The following MAPK9 variants were observed in gnomAD, a reference collection of about 807,000 sequenced individuals.
MAPK9 encodes the protein mitogen-activated protein kinase 9, also known as Jun kinase.
A neutral mutation model predicts 57.1 loss-of-function variants in MAPK9; 30 were observed. The observed-to-expected ratio is 0.53, with a 90% CI of 0.39 to 0.71. The LOEUF (loss-of-function observed/expected upper bound fraction) is 0.71. MAPK9 is among the 30% of genes least tolerant of loss of function. The pLI, the probability that MAPK9 is intolerant of heterozygous loss-of-function variation, is 0.00. For missense variants in MAPK9, 362 were observed against 521.0 expected, an observed-to-expected ratio of 0.69 and a Z score of 2.97; for synonymous variants, 155 against 177.0, an observed-to-expected ratio of 0.88 and a Z score of 0.99.
At position 180,238,327 on chromosome 5, in the gene MAPK9, C is replaced by G; in HGVS notation, c.1132+5G>C. 1 of 1,607,666 alleles carries G rather than the reference C, an allele frequency of 6.2e-7. No individual in the cohort carries two copies. Reference sequence around the variant, plus strand: ...ATCATACAATCAATTAAAGCAATCACTAACCTGAAGGCTGATCTTTTACAA... The same window carrying G: ...ATCATACAATCAATTAAAGCAATCAGTAACCTGAAGGCTGATCTTTTACAA... On this transcript the variant is annotated splice_donor_5th_base_variant and intron_variant, in intron 11 of 11. Coordinates refer to ENST00000452135, the MANE Select transcript of MAPK9 (RefSeq NM_002752.5).
At chr5:180,284,003 G>C (rs1762530902) in intron 1 of MAPK9, among the ~76,000 whole-genome samples, 1 of 152,150 alleles carries the variant, frequency 6.6e-6, no homozygotes, top group Non-Finnish European at 1.5e-5. Flanking sequence ...GGAGAAAAAA[G>C]TCACCTAAGT....
At chr5:180,261,594 A>G (rs1561813497) in intron 5 of MAPK9, 90 bp downstream of exon 5, 1 of 1,239,270 alleles carries the variant, frequency 8.1e-7, no homozygotes, top group African/African-American at 1.5e-5. Context: ...TTCAAGCCTA[A>G]CAATTTTTTT....
chr5:180,285,534 C>A (rs76581095), intron 1 of MAPK9, among the ~76,000 whole-genome samples: 342 of 152,252 alleles, frequency 2.2e-3, no homozygotes, highest in African/African-American at 8.0e-3. Flanking sequence ...CCAGGACATG[C>A]GATATTTAAA....
At chr5:180,239,284 GCTGAGGCCAGTGAGCATTGA>G (rs992345680) in intron 10 of MAPK9, among the ~76,000 whole-genome samples, 5 of 152,182 alleles carry the variant, frequency 3.3e-5, no homozygotes, top group African/African-American at 4.8e-5. Flanking sequence ...GCAAGCATTC[GCTGAGGCCAGTGAGCATTGA>G]CTGAGGCCAG....
intron 2 of MAPK9, among the ~76,000 whole-genome samples, chr5:180,273,790 C>T (rs1340899494): frequency 1.3e-5 from 2 of 152,132 alleles, no homozygotes; most frequent in African/African-American, 2.4e-5. Context: ...AGTCAGAAGC[C>T]CACACATGCA....
At chr5:180,271,172 TTTTA>T (rs1761271420) in intron 2 of MAPK9, among the ~76,000 whole-genome samples, 1 of 152,150 alleles carries the variant, frequency 6.6e-6, no homozygotes, top group African/African-American at 2.4e-5. Flanking sequence ...TATATACAAT[TTTTA>T]TTTGTCATTT....
At chr5:180,280,833 T>TTA (rs1762257461) in intron 1 of MAPK9, among the ~76,000 whole-genome samples, 1 of 152,098 alleles carries the variant, frequency 6.6e-6, no homozygotes, top group African/African-American at 2.4e-5. Context: ...AGACCACACT[T>TTA]TAAGGGGCTG....
intron 11 of MAPK9, 82 bp from the exon 12 acceptor site, chr5:180,236,608 T>C: frequency 6.7e-7 from 1 of 1,492,920 alleles, no homozygotes; most frequent in Non-Finnish European, 9.2e-7. Context: ...AGGCCATTTC[T>C]CGGCTCTGTC....
chr5:180,280,170 G>C (rs1280667713), intron 2 of MAPK9: 3 of 449,640 alleles, frequency 6.7e-6, no homozygotes, highest in Non-Finnish European at 1.2e-5. Flanking sequence ...ATAATGACAG[G>C]AGAAATGAAA....
intron 5 of MAPK9, among the ~76,000 whole-genome samples, chr5:180,249,536 A>T (rs1758459091): frequency 6.6e-6 from 1 of 150,506 alleles, no homozygotes; most frequent in East Asian, 1.9e-4. Flanking sequence ...TCCAGCACAC[A>T]CGGCCCCCTC....
intron 1 of MAPK9, among the ~76,000 whole-genome samples, chr5:180,287,467 C>T (rs1482025714): frequency 6.6e-6 from 1 of 152,170 alleles, no homozygotes; most frequent in Admixed American, 6.5e-5. Flanking sequence ...ACCATTCTCC[C>T]ATTTGAACTC....
Position 180,259,033 on chromosome 5 carries a change from CAA to C in MAPK9, c.450+2649_450+2650del, listed in dbSNP as rs35532910. Among the ~76,000 whole-genome samples, 431 of 132,454 alleles carry C rather than the reference CAA, an allele frequency of 3.3e-3. 2 individuals are homozygous for C. The highest frequency in any genetic ancestry group is 7.7e-3 in the African/African-American group (279 of 36,454). The allele number at this position is 132,454 out of a possible 152,430, so 86.9% of individuals were successfully genotyped here. A position where few individuals can be genotyped will look rare whatever the true frequency, so the allele number is the denominator to read the frequency against. ...TGGGCAACAGAGCAAGACTCTGTTT[CAA>C]AAAAAAAAAAAAAATGTGGTAACAC... On this transcript the variant is annotated intron_variant, in intron 5 of 11. Coordinates refer to ENST00000452135, the MANE Select transcript of MAPK9 (RefSeq NM_002752.5).
intron 7 of MAPK9, among the ~76,000 whole-genome samples, chr5:180,244,197 C>G (rs2127578394): frequency 6.6e-6 from 1 of 152,160 alleles, no homozygotes; most frequent in Non-Finnish European, 1.5e-5. Flanking sequence ...CCACAGACTT[C>G]CCAGGATGCA....
rs34858476 is a variant in MAPK9, at chr5:180,241,849, G to C, written c.872-694C>G. ...CAGAGTGTGGGCATGAGGCACGGGG[G>C]AGTATTTTTCTCTAAGTCACATCGA... On this transcript the variant is annotated intron_variant, in intron 8 of 11. Coordinates refer to ENST00000452135, the MANE Select transcript of MAPK9 (RefSeq NM_002752.5). 3.4e-3 allele frequency among the ~76,000 whole-genome samples: 518 copies of C among 152,320 alleles called. 1 individual carries two copies. The highest frequency in any genetic ancestry group is 6.2e-3 in the Non-Finnish European group (421 of 68,026).
At chr5:180,288,086 C>A (rs114632423) in intron 1 of MAPK9, among the ~76,000 whole-genome samples, 3,795 of 152,232 alleles carry the variant, frequency 0.025, 155 homozygotes, top group African/African-American at 0.079. Flanking sequence ...CCTCAGGGTA[C>A]CTCTAGATAA....
chr5:180,269,483 G>C (rs932416091), intron 2 of MAPK9, 74 bp from the exon 3 acceptor site: 2 of 1,339,216 alleles, frequency 1.5e-6, no homozygotes, highest in African/African-American at 2.9e-5. Context: ...AATATACATT[G>C]AATATATCAT....
intron 1 of MAPK9, among the ~76,000 whole-genome samples, chr5:180,289,033 C>T (rs984890396): frequency 6.6e-6 from 1 of 152,158 alleles, no homozygotes; most frequent in African/African-American, 2.4e-5. Flanking sequence ...AAAATGGCAC[C>T]TTCCTAACCA....
chr5:180,273,558 A>T (rs1172005558), intron 2 of MAPK9, among the ~76,000 whole-genome samples: 1 of 152,124 alleles, frequency 6.6e-6, no homozygotes, highest in East Asian at 1.9e-4. Flanking sequence ...TGTTTAAAGG[A>T]GTCCTTCCCT....
At chr5:180,283,009 C>T (rs1479190929) in intron 1 of MAPK9, among the ~76,000 whole-genome samples, 2 of 152,150 alleles carry the variant, frequency 1.3e-5, no homozygotes, top group Non-Finnish European at 2.9e-5. Flanking sequence ...GGCCAGATCA[C>T]TATGAGCCCC....
Sources: allele counts gnomAD v4.1 joint callset (sites outside exome capture counted in the v4.1 genomes callset), GRCh38; gene constraint gnomAD v4.1.1; transcripts MANE v1.5; gene names NCBI Gene and HGNC (gene_info 2026-07-23, HGNC 2026-07-21).